Variants in C8orf76 observed in about 807,000 individuals in gnomAD.
The protein encoded by C8orf76 is uncharacterized protein C8orf76.
A neutral mutation model predicts 38.1 loss-of-function variants in C8orf76; 46 were observed. The observed-to-expected ratio is 1.21, with a 90% CI of 0.95 to 1.54. The LOEUF (loss-of-function observed/expected upper bound fraction) is 1.54. Ranked by LOEUF, C8orf76 falls within the 40% of genes most tolerant of loss-of-function variation. The probability of loss-of-function intolerance (pLI) is 0.00; values close to 1 mark genes in which losing one functional copy is unlikely to be tolerated. For missense variants in C8orf76, 461 were observed against 441.6 expected (o/e 1.04, Z -0.39); for synonymous variants, 166 against 167.5 (o/e 0.99, Z 0.07).
rs560975368 is a variant in C8orf76, at chr8:123,231,287, A to C, written c.815+13T>G. 1 of 1,591,160 alleles carries C rather than the reference A, an allele frequency of 6.3e-7. No individual in the cohort carries two copies. Among genetic ancestry groups the C allele is most frequent in the African/African-American group, 1.4e-5 (1 of 73,594 alleles). On this transcript the variant is annotated intron_variant, in intron 4 of 5. Transcript: ENST00000276704. ...CTGATTACCAAGCGTTGCTTAAGTGACTCTCAGCTTACCTGGTTCGTATAA... is the reference window on the plus strand; with the variant it reads ...CTGATTACCAAGCGTTGCTTAAGTGCCTCTCAGCTTACCTGGTTCGTATAA...
intron 3 of C8orf76, 144 bp downstream of exon 3, chr8:123,237,654 C>T: frequency 8.5e-7 from 1 of 1,182,528 alleles, no homozygotes; most frequent in Non-Finnish European, 1.1e-6. Context: ...CATAATAAAA[C>T]TCTCACACCC....
chr8:123,231,633 G>A lies in C8orf76; in HGVS notation c.482C>T (p.Pro161Leu). 3 of 1,614,166 alleles carry A rather than the reference G, an allele frequency of 1.9e-6. No homozygotes were observed. Among genetic ancestry groups the A allele is most frequent in the South Asian group, 1.1e-5 (1 of 91,086 alleles). Reference sequence around the variant, plus strand: ...TTTGCCCCAGTTCCAAGGATTAAAAGGATGCAAAGAAATCAGTTTCTGCAG... The same window carrying A: ...TTTGCCCCAGTTCCAAGGATTAAAAAGATGCAAAGAAATCAGTTTCTGCAG... ...FCLQKLISLH[P>L]FNPWNWGKLA... The change falls in exon 4 of 6, where the codon CCT becomes CTT. Residue 161 changes from proline to leucine, a missense_variant. Transcript: ENST00000276704.
rs189706247 is a variant in C8orf76, at chr8:123,239,524, G to A, written c.118-380C>T. ...ATAATGGCAAAAAACTAGAATTTCA[G>A]CAAAGGAGACAGAAATTAAGGCTAG... On this transcript the variant is annotated intron_variant, in intron 1 of 5. Transcript: ENST00000276704. 1.5e-3 allele frequency: 248 copies of A among 164,042 alleles called. 1 individual carries two copies. The highest frequency in any genetic ancestry group is 5.8e-3 in the African/African-American group (244 of 41,920). The allele number at this position is 164,042 out of a possible 1,614,324, so 10.2% of individuals were successfully genotyped here.
At chr8:123,240,635 C>T (rs1372486633) in intron 1 of C8orf76, among the ~76,000 whole-genome samples, 1 of 152,192 alleles carries the variant, frequency 6.6e-6, no homozygotes, top group African/African-American at 2.4e-5. Flanking sequence ...TTTAGCACTC[C>T]GGGTCTCAGG....
Position 123,231,351 on chromosome 8 carries a change from G to A in C8orf76, c.764C>T (p.Thr255Ile). The A allele has an allele frequency of 1.2e-6, 2 of 1,613,934 alleles. No homozygotes were observed. Among genetic ancestry groups the A allele is most frequent in the Non-Finnish European group, 1.7e-6 (2 of 1,180,000 alleles). Reference protein sequence around the residue: ...IQNCMAEKRETVLIETQLKAC... With the variant: ...IQNCMAEKREIVLIETQLKAC... ...TTTCAGCTGAGTCTCTATCAACACT[G>A]TTTCTCTCTTTTCTGCCATACAGTT... is the stretch of plus-strand genomic sequence containing the variant. Residue 255 changes from threonine (T) to isoleucine (I), a missense_variant, in exon 4 of 6, where the codon ACA becomes ATA. Coordinates refer to ENST00000276704, the MANE Select transcript of C8orf76 (RefSeq NM_032847.3).
intron 3 of C8orf76, among the ~76,000 whole-genome samples, chr8:123,235,574 C>A (rs944833633): frequency 6.6e-6 from 1 of 152,200 alleles, no homozygotes; most frequent in African/African-American, 2.4e-5. Context: ...GCGAACCCCA[C>A]GAGCCCGCTT....
intron 5 of C8orf76, among the ~76,000 whole-genome samples, chr8:123,223,507 C>T (rs55671742): frequency 0.087 from 13,240 of 152,156 alleles, 1,922 homozygotes; most frequent in African/African-American, 0.3. Flanking sequence ...ACTTGGGAGG[C>T]TGAGACAGGA....
chr8:123,235,442 G>A (rs554918899), intron 3 of C8orf76, among the ~76,000 whole-genome samples: 5 of 152,282 alleles, frequency 3.3e-5, no homozygotes, highest in African/African-American at 9.6e-5. Context: ...AACAAAAGGC[G>A]AGGGTCCTCA....
At chr8:123,234,276 G>A (rs920413036) in intron 3 of C8orf76, among the ~76,000 whole-genome samples, 1 of 152,100 alleles carries the variant, frequency 6.6e-6, no homozygotes, top group Non-Finnish European at 1.5e-5. Flanking sequence ...CTGCCATAAC[G>A]TGGCTGGTAA....
intron 5 of C8orf76, among the ~76,000 whole-genome samples, chr8:123,224,645 T>C (rs549157252): frequency 6.6e-6 from 1 of 152,202 alleles, no homozygotes; most frequent in Non-Finnish European, 1.5e-5. Context: ...ATGTACATTA[T>C]AATCCTAATT....
chr8:123,230,760 C>T (rs1316038170), intron 4 of C8orf76, among the ~76,000 whole-genome samples: 3 of 152,182 alleles, frequency 2.0e-5, no homozygotes, highest in Non-Finnish European at 2.9e-5. Context: ...AGCGATTCCC[C>T]TGCCTCAGCC....
At chr8:123,236,007 G>A (rs1238213603) in intron 3 of C8orf76, among the ~76,000 whole-genome samples, 1 of 152,234 alleles carries the variant, frequency 6.6e-6, no homozygotes, top group African/African-American at 2.4e-5. Flanking sequence ...CGCTTAGGAA[G>A]TCGATTTATC....
intron 5 of C8orf76, chr8:123,226,063 C>A (rs1213548665): frequency 2.7e-6 from 2 of 740,214 alleles, no homozygotes; most frequent in African/African-American, 1.9e-5. Context: ...AAGCTCCAGA[C>A]CAGCTCTCCC....
intron 3 of C8orf76, among the ~76,000 whole-genome samples, chr8:123,233,337 T>C (rs1244885205): frequency 6.6e-6 from 1 of 151,654 alleles, no homozygotes; most frequent in Non-Finnish European, 1.5e-5. Context: ...ATTTTGATAT[T>C]GATAAAGCAA....
At chr8:123,221,250 C>A (rs147754928) in intron 5 of C8orf76, among the ~76,000 whole-genome samples, 218 of 152,350 alleles carry the variant, frequency 1.4e-3, no homozygotes, top group African/African-American at 5.1e-3. Context: ...CCTGGTATTT[C>A]ACCAGTTCTA....
At chr8:123,222,672 C>G (rs1824920774) in intron 5 of C8orf76, among the ~76,000 whole-genome samples, 1 of 152,126 alleles carries the variant, frequency 6.6e-6, no homozygotes. Flanking sequence ...AGGCATTTGA[C>G]ATGATACAAA....
chr8:123,232,951 G>A (rs1825328141), intron 3 of C8orf76, among the ~76,000 whole-genome samples: 1 of 152,090 alleles, frequency 6.6e-6, no homozygotes, highest in Non-Finnish European at 1.5e-5. Context: ...AAAACAACAT[G>A]TATAGACTAC....
At chr8:123,222,152 C>T (rs1364680870) in intron 5 of C8orf76, among the ~76,000 whole-genome samples, 1 of 152,096 alleles carries the variant, frequency 6.6e-6, no homozygotes, top group Non-Finnish European at 1.5e-5. Context: ...CCAGGCCTGG[C>T]TAATTTTTGT....
chr8:123,227,668 T>C (rs894367146), intron 4 of C8orf76, among the ~76,000 whole-genome samples: 23 of 152,010 alleles, frequency 1.5e-4, no homozygotes, highest in Admixed American at 1.4e-3. Flanking sequence ...TTTGATATGC[T>C]TGAAAATCAC....
Sources: allele counts gnomAD v4.1 joint callset (sites outside exome capture counted in the v4.1 genomes callset), GRCh38; gene constraint gnomAD v4.1.1; transcripts MANE v1.5; gene names NCBI Gene and HGNC (gene_info 2026-07-23, HGNC 2026-07-21).